Variants in ADRA1B observed in about 807,000 individuals in gnomAD.
The protein encoded by ADRA1B is adrenoceptor alpha 1B, also known as alpha-1B adrenergic receptor.
Under a neutral mutation model 17.9 loss-of-function variants are expected in ADRA1B, and 17 were observed. That is an observed-to-expected ratio of 0.95 (90% CI 0.65 to 1.42). ADRA1B has a LOEUF of 1.42. Among genes scored for constraint, ADRA1B ranks in the 40% most tolerant of loss-of-function variants. The pLI is 0.00. For missense variants in ADRA1B, 681 were observed against 722.1 expected (o/e 0.94, Z 0.65); for synonymous variants, 366 against 327.6 (o/e 1.12, Z -1.27).
At chr5:159,939,603 T>G (rs1035564728) in intron 1 of ADRA1B, among the ~76,000 whole-genome samples, 1 of 152,090 alleles carries the variant, frequency 6.6e-6, no homozygotes. Context: ...CTCAGGCAAG[T>G]TACTTAAGTT....
intron 1 of ADRA1B, chr5:159,870,933 C>T (rs1030102211): frequency 2.6e-5 from 4 of 152,206 alleles, no homozygotes; most frequent in Non-Finnish European, 4.4e-5. Flanking sequence ...CGTGAGCTTG[C>T]TTTAAGGGGC....
intron 1 of ADRA1B, among the ~76,000 whole-genome samples, chr5:159,881,297 A>G (rs968331424): frequency 4.6e-5 from 4 of 87,236 alleles, no homozygotes; most frequent in South Asian, 3.6e-4. Context: ...AATATCAGAA[A>G]GTTCTCTCTC....
chr5:159,979,209 G>A, the ADRA1B span, among the ~76,000 whole-genome samples: 2 of 152,160 alleles, frequency 1.3e-5, no homozygotes, highest in African/African-American at 2.4e-5. Flanking sequence ...GTAGAAAGAC[G>A]TTTGTGTAAC....
At chr5:159,967,560 C>G (rs1755797447) in intron 1 of ADRA1B, among the ~76,000 whole-genome samples, 1 of 152,140 alleles carries the variant, frequency 6.6e-6, no homozygotes, top group Non-Finnish European at 1.5e-5. Flanking sequence ...CCCCATTTTA[C>G]AGATGGGAAA....
In ADRA1B at chr5:159,917,719, G is replaced by A. The variant is rs774512757; in HGVS notation, c.814G>A (p.Gly272Ser). The A allele has an allele frequency of 6.2e-7, 1 of 1,614,038 alleles. No homozygotes were observed. Among genetic ancestry groups the A allele is most frequent in the Non-Finnish European group, 8.5e-7 (1 of 1,180,034 alleles). Residue 272 changes from glycine (G) to serine (S), a missense_variant, in exon 1 of 2, where the codon GGC becomes AGC. Transcript: ENST00000306675. ...EDTLSSTKAK[G>S]HNPRSSIAVK... ...CACCCTTAGCAGTACCAAGGCCAAG[G>A]GCCACAACCCCAGGAGTTCCATAGC...
chr5:159,984,619 C>A, the ADRA1B span, among the ~76,000 whole-genome samples: 5 of 151,966 alleles, frequency 3.3e-5, no homozygotes, highest in African/African-American at 1.2e-4. Flanking sequence ...TAAATGAGGC[C>A]GGACGTGGTA....
chr5:159,977,909 C>T (rs1581077611), downstream of ADRA1B, among the ~76,000 whole-genome samples: 1 of 152,034 alleles, frequency 6.6e-6, no homozygotes, highest in Non-Finnish European at 1.5e-5. Flanking sequence ...CCCTTCTTTC[C>T]ATGTGGCTTC....
intron 1 of ADRA1B, among the ~76,000 whole-genome samples, chr5:159,906,358 C>A (rs1276665696): frequency 6.6e-6 from 1 of 152,138 alleles, no homozygotes; most frequent in Non-Finnish European, 1.5e-5. Context: ...TGTATAAGAA[C>A]CCTCTATATG....
At chr5:159,873,108 T>C (rs1753766138) in intron 1 of ADRA1B, among the ~76,000 whole-genome samples, 1 of 152,228 alleles carries the variant, frequency 6.6e-6, no homozygotes, top group Admixed American at 6.5e-5. Flanking sequence ...CATGAATTCA[T>C]TCTTTTTTAT....
At chr5:159,942,929 G>T (rs1400722525) in intron 1 of ADRA1B, among the ~76,000 whole-genome samples, 2 of 152,112 alleles carry the variant, frequency 1.3e-5, no homozygotes, top group African/African-American at 4.8e-5. Context: ...AATTTGTAAT[G>T]CTTTCTTTAT....
At position 159,972,517 on chromosome 5, in the gene ADRA1B, C is replaced by T; in HGVS notation, c.*25C>T. The T allele has an allele frequency of 3.1e-6, 3 of 957,478 alleles. No homozygotes were observed. Among genetic ancestry groups the T allele is most frequent in the African/African-American group, 1.9e-5 (1 of 51,534 alleles). 59.3% of individuals were successfully genotyped at this position (957,478 alleles called of 1,614,324 possible). A position where few individuals can be genotyped will look rare whatever the true frequency, so the allele number is the denominator to read the frequency against. On this transcript the variant is annotated 3_prime_UTR_variant, in exon 2 of 2. Coordinates refer to ENST00000306675, the MANE Select transcript of ADRA1B (RefSeq NM_000679.4). The stretch of plus-strand genomic sequence containing the variant: ...GGGCCCCCGTGCGCAGCTTTCTTTC[C>T]CTGGGGAGGAAAACATCGTGGGGGG...
At chr5:159,904,379 T>C (rs191143780) in intron 1 of ADRA1B, among the ~76,000 whole-genome samples, 6 of 152,330 alleles carry the variant, frequency 3.9e-5, no homozygotes, top group African/African-American at 7.2e-5. Flanking sequence ...TGAAAAAGTG[T>C]GGATAAGCTA....
intron 1 of ADRA1B, among the ~76,000 whole-genome samples, chr5:159,949,989 G>T (rs971552807): frequency 6.6e-6 from 1 of 152,230 alleles, no homozygotes; most frequent in African/African-American, 2.4e-5. Flanking sequence ...GGGCAAGCAG[G>T]GAAGAGAGAG....
chr5:159,877,044 G>A (rs1239442624), intron 1 of ADRA1B, among the ~76,000 whole-genome samples: 1 of 152,180 alleles, frequency 6.6e-6, no homozygotes, highest in African/African-American at 2.4e-5. Flanking sequence ...TGGGACTCAG[G>A]CCTGCAGTCA....
In ADRA1B at chr5:159,948,573, C is replaced by T. The variant is rs1755340193; in HGVS notation, c.950-23306C>T. 6.3e-6 allele frequency: 4 copies of T among 630,088 alleles called. No individual in the cohort carries two copies. In the South Asian group the frequency reaches 2.1e-4, roughly 33 times the overall value. 39.0% of individuals were successfully genotyped at this position (630,088 alleles called of 1,614,324 possible). ...AACAAAAAAAGATAGTAAAAAGCCA[C>T]CCCTTAAACATAACCACTGAAATGT... On this transcript the variant is annotated intron_variant, in intron 1 of 1. Coordinates refer to ENST00000306675, the MANE Select transcript of ADRA1B (RefSeq NM_000679.4).
At chr5:159,979,557 G>C in the ADRA1B span, among the ~76,000 whole-genome samples, 1 of 152,204 alleles carries the variant, frequency 6.6e-6, no homozygotes, top group African/African-American at 2.4e-5. Flanking sequence ...GGAGGAAGTG[G>C]CATCTGAGAT....
intron 1 of ADRA1B, among the ~76,000 whole-genome samples, chr5:159,879,709 C>T (rs1175265646): frequency 6.6e-6 from 1 of 152,144 alleles, no homozygotes; most frequent in African/African-American, 2.4e-5. Context: ...AAAATGTAGA[C>T]AAGTGGCTGG....
chr5:159,935,309 G>A (rs552866361), intron 1 of ADRA1B, among the ~76,000 whole-genome samples: 3 of 152,024 alleles, frequency 2.0e-5, no homozygotes, highest in Non-Finnish European at 2.9e-5. Context: ...TTTTAAAATT[G>A]TTTCAATATT....
In ADRA1B at chr5:159,942,032, A is replaced by G. The variant is rs77406287; in HGVS notation, c.949+24178A>G. On this transcript the variant is annotated intron_variant, in intron 1 of 1. Coordinates refer to ENST00000306675, the MANE Select transcript of ADRA1B (RefSeq NM_000679.4). ...CCAACTCCCAGGTTGACATCATTCT[A>G]CTGCCTCAGCCTCCCGAGTAGTTGG... Among the ~76,000 whole-genome samples the G allele has an allele frequency of 5.4e-5, 8 of 147,866 alleles. No homozygotes were observed. The East Asian group carries it at 1.2e-3, about 22-fold the overall frequency.
Sources: allele counts gnomAD v4.1 joint callset (sites outside exome capture counted in the v4.1 genomes callset), GRCh38; gene constraint gnomAD v4.1.1; transcripts MANE v1.5; gene names NCBI Gene and HGNC (gene_info 2026-07-23, HGNC 2026-07-21).